ELMO1: variants seen among roughly 807,000 people sequenced by gnomAD.
The protein encoded by ELMO1 is engulfment and cell motility 1.
In ELMO1, 26 loss-of-function variants were observed where a neutral mutation model predicts 98.9. The ratio of observed to expected loss-of-function variants is 0.26; its 90% CI spans 0.19 to 0.36. The LOEUF (loss-of-function observed/expected upper bound fraction) is 0.36, where lower values mean the gene tolerates loss of function less well. ELMO1 is among the 10% of genes least tolerant of loss of function. The probability of loss-of-function intolerance (pLI) is 1.00; values close to 1 mark genes in which losing one functional copy is unlikely to be tolerated. For missense variants in ELMO1, 627 were observed against 935.2 expected (o/e 0.67, Z 4.30); for synonymous variants, 346 against 346.0 (o/e 1.00, Z 0.00).
At chr7:37,245,194 TTC>T (rs1459953972) in intron 6 of ELMO1, among the ~76,000 whole-genome samples, 1 of 152,170 alleles carries the variant, frequency 6.6e-6, no homozygotes, top group Non-Finnish European at 1.5e-5. Flanking sequence ...TCTCTCTGAC[TTC>T]TGATTTCTCT....
intron 4 of ELMO1, among the ~76,000 whole-genome samples, chr7:37,304,836 G>A (rs1798525858): frequency 6.6e-6 from 1 of 151,996 alleles, no homozygotes; most frequent in Non-Finnish European, 1.5e-5. Flanking sequence ...TCCAAGTTTT[G>A]TTTTAAGTGG....
chr7:36,870,397 T>C lies in ELMO1; in HGVS notation c.1901A>G (p.Asn634Ser), dbSNP rs779564426. ...GCAATAATTTGGAAATCATACCTTG[T>C]TTTGTTTAAGGGCACCTTTCTCTTT... Reference protein sequence around the residue: ...HMKEKGALKQNKEVLELAFSI... With the variant: ...HMKEKGALKQSKEVLELAFSI... Residue 634 changes from asparagine to serine, a missense_variant, in exon 20 of 22, where the codon AAC becomes AGC. This residue lies in a region of ELMO1 where 492 missense variants were observed against 715.6 expected (regional missense o/e 0.69). Transcript: ENST00000310758. The surrounding 1 kb of genome is among the most constrained non-coding windows in gnomAD (Gnocchi z 4.4). 6.2e-7 allele frequency: 1 copy of C among 1,614,102 alleles called. No individual in the cohort carries two copies. Among genetic ancestry groups the C allele is most frequent in the Non-Finnish European group, 8.5e-7 (1 of 1,179,968 alleles).
chr7:37,431,467 T>C (rs1326438316), intron 1 of ELMO1, among the ~76,000 whole-genome samples: 1 of 152,210 alleles, frequency 6.6e-6, no homozygotes, highest in Non-Finnish European at 1.5e-5. Context: ...ACTTGATGTG[T>C]ATAAGTGGAA....
Position 36,987,101 on chromosome 7 carries a change from A to G in ELMO1, c.1437+26198T>C, listed in dbSNP as rs560670201. On this transcript the variant is annotated intron_variant, in intron 16 of 21. Coordinates refer to ENST00000310758, the MANE Select transcript of ELMO1 (RefSeq NM_014800.11). ...ACTGGCGGCTTGTGGAAGATTTTGT[A>G]AGTACGGAGTGTTCAGGCCCAGCTC... Among the ~76,000 whole-genome samples, 163 of 152,254 alleles carry G rather than the reference A, an allele frequency of 1.1e-3. 5 individuals are homozygous for G. The South Asian group carries it at 0.033, about 31-fold the overall frequency.
chr7:37,128,828 G>A (rs976944513), intron 14 of ELMO1, among the ~76,000 whole-genome samples: 1 of 152,128 alleles, frequency 6.6e-6, no homozygotes, highest in African/African-American at 2.4e-5. Context: ...CCAGGGGCTA[G>A]AATATAAATG....
intron 16 of ELMO1, among the ~76,000 whole-genome samples, chr7:36,969,716 A>G (rs2129131048): frequency 6.6e-6 from 1 of 152,196 alleles, no homozygotes; most frequent in South Asian, 2.1e-4. Flanking sequence ...GTCTGGGATG[A>G]TCCTGGGGCT....
chr7:37,323,366 A>G (rs998774306), intron 2 of ELMO1, among the ~76,000 whole-genome samples: 5 of 152,196 alleles, frequency 3.3e-5, no homozygotes, highest in African/African-American at 1.2e-4. Context: ...AATTTCCTAC[A>G]CAAGAAGATT....
chr7:37,193,032 G>A (rs892946622), intron 13 of ELMO1, among the ~76,000 whole-genome samples: 16 of 142,546 alleles, frequency 1.1e-4, no homozygotes, highest in Admixed American at 1.1e-3. Context: ...TTTAAAGAGT[G>A]GAAAGAAAAA....
chr7:37,037,630 C>T (rs1391186031), intron 15 of ELMO1, among the ~76,000 whole-genome samples: 1 of 152,144 alleles, frequency 6.6e-6, no homozygotes, highest in Non-Finnish European at 1.5e-5. Context: ...AAAATTCAGA[C>T]AGAGTAGAAG....
chr7:37,160,905 T>C (rs1450369744), intron 13 of ELMO1, among the ~76,000 whole-genome samples: 1 of 151,908 alleles, frequency 6.6e-6, no homozygotes, highest in East Asian at 1.9e-4. Flanking sequence ...AGCACAGAGG[T>C]GGAGAGAGAC....
At chr7:37,178,650 G>T (rs545894547) in intron 13 of ELMO1, among the ~76,000 whole-genome samples, 1 of 151,772 alleles carries the variant, frequency 6.6e-6, no homozygotes, top group Non-Finnish European at 1.5e-5. Context: ...ACCATAGAAA[G>T]ATATTTAAAA....
At chr7:37,182,780 T>C (rs1790965381) in intron 13 of ELMO1, among the ~76,000 whole-genome samples, 1 of 152,204 alleles carries the variant, frequency 6.6e-6, no homozygotes, top group Non-Finnish European at 1.5e-5. Flanking sequence ...GGCAGGTTAC[T>C]TAACCTCAGT....
chr7:37,031,951 C>T (rs1046255187), intron 15 of ELMO1, among the ~76,000 whole-genome samples: 1 of 152,208 alleles, frequency 6.6e-6, no homozygotes, highest in African/African-American at 2.4e-5. Context: ...CCACACATTT[C>T]AGTGCCTGGG....
chr7:37,202,489 C>T (rs932963138), intron 13 of ELMO1, among the ~76,000 whole-genome samples: 2 of 152,190 alleles, frequency 1.3e-5, no homozygotes, highest in African/African-American at 4.8e-5. Context: ...AAATATAAGG[C>T]AAGTCCACCA....
intron 15 of ELMO1, among the ~76,000 whole-genome samples, chr7:37,066,202 A>G (rs1796953590): frequency 6.6e-6 from 1 of 152,216 alleles, no homozygotes; most frequent in South Asian, 2.1e-4. Flanking sequence ...CAGCGTGAGA[A>G]CAGATGAATA....
chr7:37,240,724 T>A (rs1370465839), intron 7 of ELMO1, among the ~76,000 whole-genome samples: 6 of 152,254 alleles, frequency 3.9e-5, no homozygotes, highest in Non-Finnish European at 1.5e-5. Flanking sequence ...GAGTTATTCC[T>A]TGACTCTTTG....
At chr7:37,293,756 ACT>A (rs1185033324) in intron 4 of ELMO1, among the ~76,000 whole-genome samples, 1 of 104,076 alleles carries the variant, frequency 9.6e-6, no homozygotes, top group East Asian at 2.9e-4. Flanking sequence ...AAAGAGTGAA[ACT>A]CTATATCCAA....
At chr7:37,348,617 T>C (rs1295764362) in intron 1 of ELMO1, among the ~76,000 whole-genome samples, 3 of 151,068 alleles carry the variant, frequency 2.0e-5, no homozygotes, top group Admixed American at 1.3e-4. Context: ...TCTGACTCTA[T>C]AACCCGTGAA....
At chr7:37,395,261 G>A (rs1377916119) in intron 1 of ELMO1, among the ~76,000 whole-genome samples, 1 of 151,440 alleles carries the variant, frequency 6.6e-6, no homozygotes, top group East Asian at 1.9e-4. Flanking sequence ...CGGCTACTCA[G>A]GAGGGTGAGG....
Sources: gnomAD v4.1 joint callset for allele counts (sites outside exome capture counted in the v4.1 genomes callset) on GRCh38, gnomAD v4.1.1 for gene constraint, gnomAD v4.1.1 regional missense constraint, Gnocchi (gnomAD v3.1) non-coding constraint, MANE v1.5 for transcripts, NCBI Gene and HGNC (gene_info 2026-07-23, HGNC 2026-07-21) for gene names.